CNIH3: variants seen among roughly 807,000 people sequenced by gnomAD.
The protein encoded by CNIH3 is protein cornichon homolog 3.
In CNIH3, 14 loss-of-function variants were observed where a neutral mutation model predicts 24.1. The ratio of observed to expected loss-of-function variants is 0.58; its 90% CI spans 0.38 to 0.91. CNIH3 has a LOEUF of 0.91. Among genes scored for constraint, CNIH3 ranks in the 40% least tolerant of loss-of-function variants. The probability of loss-of-function intolerance (pLI) is 0.00; values close to 1 mark genes in which losing one functional copy is unlikely to be tolerated. For missense variants in CNIH3, 178 were observed against 196.8 expected (o/e 0.90, Z 0.57); for synonymous variants, 68 against 73.8 (o/e 0.92, Z 0.40).
chr1:224,640,033 G>T (rs903128620), intron 1 of CNIH3, among the ~76,000 whole-genome samples: 3 of 152,132 alleles, frequency 2.0e-5, no homozygotes, highest in Admixed American at 6.5e-5. Flanking sequence ...TGTAGATAAG[G>T]CCAGGTCTTG....
At chr1:224,649,121 A>G (rs760307987) in intron 1 of CNIH3, among the ~76,000 whole-genome samples, 16 of 152,216 alleles carry the variant, frequency 1.1e-4, no homozygotes, top group Non-Finnish European at 2.1e-4. Flanking sequence ...AGACTGTTAC[A>G]TCTGGAAAGT....
intron 2 of CNIH3, among the ~76,000 whole-genome samples, chr1:224,523,771 A>G (rs775045156): frequency 1.1e-4 from 16 of 152,204 alleles, no homozygotes; most frequent in Non-Finnish European, 2.9e-5. Context: ...GTGAGAGTAC[A>G]AATCAGTGAT....
intron 3 of CNIH3, among the ~76,000 whole-genome samples, chr1:224,714,624 CTCTGGT>C (rs1688330661): frequency 6.6e-6 from 1 of 152,206 alleles, no homozygotes; most frequent in African/African-American, 2.4e-5. Context: ...AGGCCCAGGG[CTCTGGT>C]ACTGTTAGGC....
chr1:224,578,859 A>G (rs914109548), intron 4 of CNIH3, among the ~76,000 whole-genome samples: 2 of 152,144 alleles, frequency 1.3e-5, no homozygotes, highest in African/African-American at 4.8e-5. Context: ...TTGGTTGTCT[A>G]AAGTTTCACA....
intron 4 of CNIH3, among the ~76,000 whole-genome samples, chr1:224,573,944 T>C (rs1680927345): frequency 6.6e-6 from 1 of 152,174 alleles, no homozygotes; most frequent in African/African-American, 2.4e-5. Context: ...ATTATATATT[T>C]ATAGAGAAAG....
chr1:224,711,613 G>A (rs1688153206), intron 3 of CNIH3, among the ~76,000 whole-genome samples: 1 of 151,592 alleles, frequency 6.6e-6, no homozygotes, highest in Non-Finnish European at 1.5e-5. Context: ...TGGGCAACAT[G>A]GCAAAACCCT....
intron 1 of CNIH3, among the ~76,000 whole-genome samples, chr1:224,626,468 A>G (rs747850187): frequency 6.6e-6 from 1 of 152,256 alleles, no homozygotes; most frequent in Non-Finnish European, 1.5e-5. Context: ...ATTCTTGCAT[A>G]TGCTAAAATA....
In CNIH3 at chr1:224,658,814, G is replaced by A. The variant is rs558401871; in HGVS notation, c.82-22144G>A. 4.6e-5 allele frequency among the ~76,000 whole-genome samples: 7 copies of A among 151,388 alleles called. No individual in the cohort carries two copies. The East Asian group carries it at 5.8e-4, about 13-fold the overall frequency. On this transcript the variant is annotated intron_variant, in intron 1 of 5. Coordinates refer to ENST00000272133, the MANE Select transcript of CNIH3 (RefSeq NM_152495.2). Reference sequence around the variant, plus strand: ...CATATTTTGTTCAAAAGAGAAAATCGAATTTACCTCTGTATAGTGTATTAT... The same window carrying A: ...CATATTTTGTTCAAAAGAGAAAATCAAATTTACCTCTGTATAGTGTATTAT...
intron 4 of CNIH3, among the ~76,000 whole-genome samples, chr1:224,731,042 C>A (rs946682563): frequency 9.9e-5 from 15 of 152,086 alleles, no homozygotes; most frequent in Non-Finnish European, 1.6e-4. Context: ...TAGGAAATGT[C>A]CAGGAAAGGC....
At position 224,559,673 on chromosome 1, in the gene CNIH3, T is replaced by G. The variant is rs79418107; in HGVS notation, n.451-6526T>G. On this transcript the variant is annotated intron_variant and non_coding_transcript_variant, in intron 3 of 5. Transcript: ENST00000471578. Reference sequence around the variant, plus strand: ...TAGGCATGAGCCACTACATCTGTAATTTTTTTAAAAAAGAATTCCTTTTAA... The same window carrying G: ...TAGGCATGAGCCACTACATCTGTAAGTTTTTTAAAAAAGAATTCCTTTTAA... 7.4e-4 allele frequency among the ~76,000 whole-genome samples: 112 copies of G among 152,322 alleles called. No homozygotes were observed. In the East Asian group the frequency reaches 9.4e-3, roughly 13 times the overall value.
At chr1:224,542,879 G>C (rs750370457) in intron 2 of CNIH3, among the ~76,000 whole-genome samples, 1 of 152,160 alleles carries the variant, frequency 6.6e-6, no homozygotes, top group Non-Finnish European at 1.5e-5. Flanking sequence ...CTTTGTCCTA[G>C]TTCCTGGCAT....
At chr1:224,738,539 T>C (rs992549881) in intron 5 of CNIH3, among the ~76,000 whole-genome samples, 2 of 152,336 alleles carry the variant, frequency 1.3e-5, no homozygotes, top group African/African-American at 4.8e-5. Flanking sequence ...ATTTCTTTCC[T>C]TTGGTTTTAC....
intron 1 of CNIH3, among the ~76,000 whole-genome samples, chr1:224,445,320 A>G (rs1260818179): frequency 6.6e-6 from 1 of 152,024 alleles, no homozygotes. Flanking sequence ...TCACACCTAT[A>G]ATCTCAGCAC....
upstream of CNIH3, chr1:224,615,543 T>G (rs1682917442): frequency 6.6e-6 from 1 of 152,162 alleles, no homozygotes; most frequent in African/African-American, 2.4e-5. Context: ...CTACTCTTAT[T>G]TATGTTTTTC....
At chr1:224,509,882 CA>C (rs1678070577) in intron 1 of CNIH3, among the ~76,000 whole-genome samples, 1 of 152,218 alleles carries the variant, frequency 6.6e-6, no homozygotes, top group African/African-American at 2.4e-5. Context: ...CAGTGTCTCC[CA>C]GGGGCGAGCC....
chr1:224,456,295 G>C (rs1055529917), intron 1 of CNIH3, among the ~76,000 whole-genome samples: 1 of 152,214 alleles, frequency 6.6e-6, no homozygotes, highest in African/African-American at 2.4e-5. Flanking sequence ...AGTGTGTAGG[G>C]GGTCTGAATC....
chr1:224,531,487 G>A (rs1215444414), intron 2 of CNIH3, among the ~76,000 whole-genome samples: 2 of 152,242 alleles, frequency 1.3e-5, no homozygotes, highest in Non-Finnish European at 2.9e-5. Flanking sequence ...TTAGCGAAGT[G>A]AAGCTCTAGG....
intron 1 of CNIH3, among the ~76,000 whole-genome samples, chr1:224,669,531 C>T (rs562640759): frequency 1.3e-5 from 2 of 152,300 alleles, no homozygotes; most frequent in African/African-American, 4.8e-5. Context: ...TTTACCTACA[C>T]CCTCTACCCC....
rs893377796 is a variant in CNIH3, at chr1:224,659,327, A to G, written c.82-21631A>G. 4.7e-4 allele frequency among the ~76,000 whole-genome samples: 72 copies of G among 152,248 alleles called. 1 individual carries two copies. The highest frequency in any genetic ancestry group is 4.4e-5 in the Non-Finnish European group (3 of 68,046). On this transcript the variant is annotated intron_variant, in intron 1 of 5. Transcript: ENST00000272133. ...CTTTAAAAGCAATACAGAAAGTTACATGGATGTAAAAACCTTAATTCTTTT... is the reference window on the plus strand; with the variant it reads ...CTTTAAAAGCAATACAGAAAGTTACGTGGATGTAAAAACCTTAATTCTTTT...
Sources: gnomAD v4.1 joint callset for allele counts (sites outside exome capture counted in the v4.1 genomes callset) on GRCh38, gnomAD v4.1.1 for gene constraint, MANE v1.5 for transcripts, NCBI Gene and HGNC (gene_info 2026-07-23, HGNC 2026-07-21) for gene names.